The following ASGR1 variants were observed in gnomAD, a reference collection of about 807,000 sequenced individuals.
The protein encoded by ASGR1 is asialoglycoprotein receptor 1.
Under a neutral mutation model 33.1 loss-of-function variants are expected in ASGR1, and 35 were observed. The observed-to-expected ratio is 1.06, with a 90% CI of 0.81 to 1.40. ASGR1 has a LOEUF of 1.40. Among genes scored for constraint, ASGR1 ranks in the 40% most tolerant of loss-of-function variants. The pLI, the probability that ASGR1 is intolerant of heterozygous loss-of-function variation, is 0.00. For synonymous variants in ASGR1, 142 were observed against 152.5 expected, an observed-to-expected ratio of 0.93 and a Z score of 0.51; for missense variants, 396 against 373.7, an observed-to-expected ratio of 1.06 and a Z score of -0.49.
Position 7,174,177 on chromosome 17 carries a change from C to T in ASGR1, c.555G>A (p.Glu185=). 1 of 1,614,178 alleles carries T rather than the reference C, an allele frequency of 6.2e-7. No homozygotes were observed. Among genetic ancestry groups the T allele is most frequent in the Non-Finnish European group, 8.5e-7 (1 of 1,180,026 alleles). ...WADADNYCRL[E]DAHLVVVTSW... is the part of the protein sequence containing the mutation. ...ACGTGACCACCACCAGGTGCGCGTC[C>T]TCCAGCCGGCAGTAGTTGTCGGCGT... Residue 185 remains glutamate, a synonymous_variant, in exon 7 of 9, where the codon GAG becomes GAA. Transcript: ENST00000269299.
Position 7,178,504 on chromosome 17 carries a change from C to CTGAT in ASGR1, c.56_59dup (p.Leu21SerfsTer99). 3 of 1,614,088 alleles carry CTGAT rather than the reference C, an allele frequency of 1.9e-6. No individual in the cohort carries two copies. Among genetic ancestry groups the CTGAT allele is most frequent in the Non-Finnish European group, 2.5e-6 (3 of 1,179,998 alleles). ...CAAGGTGGCCCTCACCTTTTCTGAGCTGATGGTGGTCACTCTCCTCATTGT... is the reference window on the plus strand; with the variant it reads ...CAAGGTGGCCCTCACCTTTTCTGAGCTGATTGATGGTGGTCACTCTCCTCATTGT... On this transcript the variant is annotated frameshift_variant, in exon 2 of 9. Transcript: ENST00000269299. LOFTEE classifies it high-confidence loss of function.
At chr17:7,176,118 TCA>T (rs1186440668) in intron 5 of ASGR1, among the ~76,000 whole-genome samples, 17 of 133,000 alleles carry the variant, frequency 1.3e-4, no homozygotes, top group African/African-American at 2.1e-4. Flanking sequence ...ATTCTCACAC[TCA>T]GACTCTGTCA....
At chr17:7,174,688 AACAC>A (rs201775789) in intron 5 of ASGR1, among the ~76,000 whole-genome samples, 60 of 146,202 alleles carry the variant, frequency 4.1e-4, no homozygotes, top group Non-Finnish European at 7.1e-4. Context: ...AACACATCCT[AACAC>A]ACACACACAG....
chr17:7,176,251 C>CA (rs201914964), intron 5 of ASGR1, among the ~76,000 whole-genome samples: 6,858 of 141,112 alleles, frequency 0.049, 384 homozygotes, highest in African/African-American at 0.14. Flanking sequence ...ACACACACCC[C>CA]ATCTCATTCT....
At chr17:7,176,085 C>T (rs2142764726) in intron 5 of ASGR1, among the ~76,000 whole-genome samples, 1 of 151,518 alleles carries the variant, frequency 6.6e-6, no homozygotes. Context: ...TTCTCATTCT[C>T]ACACTCACAC....
At chr17:7,175,669 A>G (rs959210839) in intron 5 of ASGR1, among the ~76,000 whole-genome samples, 1 of 151,168 alleles carries the variant, frequency 6.6e-6, no homozygotes, top group African/African-American at 2.4e-5. Context: ...ACACATAAAC[A>G]CAGACTCACA....
intron 5 of ASGR1, among the ~76,000 whole-genome samples, chr17:7,175,007 CACAT>C (rs1346139661): frequency 2.0e-5 from 3 of 148,896 alleles, no homozygotes; most frequent in African/African-American, 5.0e-5. Context: ...CACCCTAACT[CACAT>C]ACACACTCAC....
At chr17:7,176,513 AC>A (rs1253991755) in intron 5 of ASGR1, 4 of 446,414 alleles carry the variant, frequency 9.0e-6, no homozygotes, top group Non-Finnish European at 1.6e-5. Context: ...TCAGACACAC[AC>A]CCCCTCTCAT....
chr17:7,175,867 CCT>C (rs1186351376), intron 5 of ASGR1, among the ~76,000 whole-genome samples: 2 of 134,202 alleles, frequency 1.5e-5, no homozygotes, highest in African/African-American at 6.9e-5. Flanking sequence ...CACTCCCACT[CCT>C]CACACACAGT....
rs1037452405 is a variant in ASGR1 at position 7,178,733 on chromosome 17, C to CTTTTTTTTTTTT, written c.-25-146_-25-145insAAAAAAAAAAAA. The CTTTTTTTTTTTT allele has an allele frequency of 9.3e-5, 18 of 193,102 alleles. 1 individual carries two copies. The highest frequency in any genetic ancestry group is 2.9e-4 in the Admixed American group (3 of 10,314). The allele number at this position is 193,102 out of a possible 1,614,324, so 12.0% of individuals were successfully genotyped here. A position where few individuals can be genotyped will look rare whatever the true frequency, so the allele number is the denominator to read the frequency against. On this transcript the variant is annotated intron_variant, in intron 1 of 8. Coordinates refer to ENST00000269299, the MANE Select transcript of ASGR1 (RefSeq NM_001671.5). ...TCTTTCTTTTCTTTTTCTTTTTTTT[C>CTTTTTTTTTTTT]TTTTCTTTTTTTTTTTTTTTTTGAG...
At chr17:7,177,124 GCCACCACTGCAC>G in intron 3 of ASGR1, 48 bp from the exon 4 acceptor site, 1 of 1,612,444 alleles carries the variant, frequency 6.2e-7, no homozygotes, top group Non-Finnish European at 8.5e-7. Flanking sequence ...CGCTGTGTCC[GCCACCACTGCAC>G]CCACCACTCC....
At chr17:7,176,739 C>A (rs2069219569) in intron 5 of ASGR1, 91 bp downstream of exon 5, 2 of 1,548,206 alleles carry the variant, frequency 1.3e-6, no homozygotes, top group Non-Finnish European at 8.8e-7. Context: ...TTCTCACACA[C>A]ATCCACACAC....
Position 7,178,520 on chromosome 17 carries a change from T to C in ASGR1, c.44A>G (p.Glu15Gly). Residue 15 changes from glutamate to glycine, a missense_variant, in exon 2 of 9, where the codon GAG (glutamate) becomes GGG (glycine). Glu to Gly is a moderately conservative substitution (Grantham distance 98). Coordinates refer to ENST00000269299, the MANE Select transcript of ASGR1 (RefSeq NM_001671.5). Reference protein sequence around the residue: ...YQDLQHLDNEESDHHQLRKGP... With the variant: ...YQDLQHLDNEGSDHHQLRKGP... ...TTTTCTGAGCTGATGGTGGTCACTC[T>C]CCTCATTGTCCAGATGCTGAAGGTC... is the stretch of plus-strand genomic sequence containing the variant. The C allele has an allele frequency of 6.2e-7, 1 of 1,614,072 alleles. No individual in the cohort carries two copies. The highest frequency in any genetic ancestry group is 1.1e-5 in the South Asian group (1 of 91,078).
intron 2 of ASGR1, 56 bp downstream of exon 2, chr17:7,178,438 G>A (rs935623829): frequency 9.1e-6 from 14 of 1,534,316 alleles, no homozygotes; most frequent in Non-Finnish European, 8.1e-6. Context: ...CTGTGGCTGG[G>A]GGGTGGAGAA....
Position 7,177,172 on chromosome 17 carries a change from C to A in ASGR1, c.187+38G>T, listed in dbSNP as rs1443527833. The A allele has an allele frequency of 4.3e-6, 7 of 1,612,822 alleles. No individual in the cohort carries two copies. The South Asian group carries it at 6.6e-5, about 15-fold the overall frequency. ...CTTGCCACGGTCCCCCGTCAACACC[C>A]CCCAATGTTGCCCCCTTCCCACCCC... On this transcript the variant is annotated intron_variant, in intron 3 of 8. Coordinates refer to ENST00000269299, the MANE Select transcript of ASGR1 (RefSeq NM_001671.5).
chr17:7,176,527 C>CCACACA (rs57702147), intron 5 of ASGR1: 121 of 415,114 alleles, frequency 2.9e-4, no homozygotes, highest in Non-Finnish European at 3.6e-4. Context: ...CCTCTCATTC[C>CCACACA]CACACACACA....
chr17:7,177,003 C>G lies in ASGR1; in HGVS notation c.261G>C (p.Gln87His). 1 of 1,612,328 alleles carries G rather than the reference C, an allele frequency of 6.2e-7. No homozygotes were observed. The highest frequency in any genetic ancestry group is 8.5e-7 in the Non-Finnish European group (1 of 1,179,868). ...FSNFTASTEA[Q>H]VKGLSTQGGN... ...CACCCTGGGTGCTCAAGCCCTTGACCTGGGCCTCCGTGCTCGCTGTGAAGT... is the reference window on the plus strand; with the variant it reads ...CACCCTGGGTGCTCAAGCCCTTGACGTGGGCCTCCGTGCTCGCTGTGAAGT... The change falls in exon 4 of 9, where the codon CAG becomes CAC. Residue 87 changes from glutamine to histidine, a missense_variant. By Grantham distance (24) the Gln-to-His change is conservative. Coordinates refer to ENST00000269299, the MANE Select transcript of ASGR1 (RefSeq NM_001671.5).
intron 5 of ASGR1, chr17:7,176,531 ACACACACCATCTCATTCT>A: frequency 1.9e-6 from 1 of 519,494 alleles, no homozygotes; most frequent in East Asian, 3.5e-5. Context: ...TCATTCCCAC[ACACACACCATCTCATTCT>A]CACACACACA....
Position 7,173,526 on chromosome 17 carries a change from C to T in ASGR1, c.*133G>A, listed in dbSNP as rs925764425. On this transcript the variant is annotated 3_prime_UTR_variant, in exon 9 of 9. Transcript: ENST00000269299. The surrounding 1 kb of genome is among the most constrained non-coding windows in gnomAD (Gnocchi z 4.7). ...CCACGGGTTTCAAGCTCCTCACCTT[C>T]GGAACATCACCCTATCCTTCCCCTT... 2.4e-5 allele frequency: 30 copies of T among 1,268,848 alleles called. No homozygotes were observed. The highest frequency in any genetic ancestry group is 3.0e-5 in the Non-Finnish European group (28 of 927,982). 78.6% of individuals were successfully genotyped at this position (1,268,848 alleles called of 1,614,324 possible).
Sources: gnomAD v4.1 joint callset for allele counts (sites outside exome capture counted in the v4.1 genomes callset) on GRCh38, gnomAD v4.1.1 for gene constraint, Gnocchi (gnomAD v3.1) non-coding constraint, MANE v1.5 for transcripts, NCBI Gene and HGNC (gene_info 2026-07-23, HGNC 2026-07-21) for gene names.